DACH1: variants seen among roughly 807,000 people sequenced by gnomAD.
DACH1 encodes the protein dachshund family transcription factor 1, also known as dachshund homolog 1.
A neutral mutation model predicts 54.2 loss-of-function variants in DACH1; 12 were observed. The ratio of observed to expected loss-of-function variants is 0.22; its 90% CI spans 0.14 to 0.36. The LOEUF (loss-of-function observed/expected upper bound fraction) is 0.36. Among genes scored for constraint, DACH1 ranks in the 10% least tolerant of loss-of-function variants. DACH1 has a pLI of 1.00. For synonymous variants in DACH1, 386 were observed against 366.2 expected (o/e 1.05, Z -0.62); for missense variants, 805 against 929.8 (o/e 0.87, Z 1.75).
intron 1 of DACH1, among the ~76,000 whole-genome samples, chr13:71,711,650 T>A (rs553735642): frequency 1.7e-3 from 258 of 152,220 alleles, no homozygotes; most frequent in African/African-American, 3.5e-3. Flanking sequence ...TAATTTTTTT[T>A]AAAAAATCTA....
chr13:71,820,140 G>A (rs1444649677), intron 1 of DACH1, among the ~76,000 whole-genome samples: 5 of 145,394 alleles, frequency 3.4e-5, no homozygotes, highest in South Asian at 2.2e-4. Flanking sequence ...AATAGGGGCC[G>A]AAATTAATCA....
chr13:71,556,920 CT>C (rs749226997), intron 6 of DACH1, 103 bp downstream of exon 6: 1,377 of 1,178,930 alleles, frequency 1.2e-3, no homozygotes, highest in South Asian at 1.9e-3. Flanking sequence ...CATTTATATG[CT>C]TTTTTTTTAC....
intron 6 of DACH1, among the ~76,000 whole-genome samples, chr13:71,501,868 T>C (rs1462316527): frequency 6.6e-6 from 1 of 152,146 alleles, no homozygotes; most frequent in African/African-American, 2.4e-5. Context: ...CTTACAACAA[T>C]TCTGTTACTG....
At chr13:71,478,682 A>C (rs1877783043) in intron 8 of DACH1, among the ~76,000 whole-genome samples, 1 of 152,186 alleles carries the variant, frequency 6.6e-6, no homozygotes, top group African/African-American at 2.4e-5. Context: ...GCCTTCAGAA[A>C]GAAAATTATA....
At chr13:71,570,967 C>T (rs1304342790) in intron 4 of DACH1, among the ~76,000 whole-genome samples, 1 of 152,046 alleles carries the variant, frequency 6.6e-6, no homozygotes, top group Non-Finnish European at 1.5e-5. Flanking sequence ...ATCAAGTATC[C>T]TGATATAAAT....
chr13:71,505,681 T>TAAATAAGTTTATTTTGTTAGA (rs1222736819), intron 6 of DACH1, among the ~76,000 whole-genome samples: 4 of 152,294 alleles, frequency 2.6e-5, no homozygotes, highest in African/African-American at 9.6e-5. Context: ...TTTAGGCAAA[T>TAAATAAGTTTATTTTGTTAGA]AAATAAGTTT....
chr13:71,567,730 T>C (rs940988213), intron 4 of DACH1, among the ~76,000 whole-genome samples: 14 of 151,962 alleles, frequency 9.2e-5, no homozygotes, highest in Admixed American at 2.6e-4. Flanking sequence ...GTCACACTGG[T>C]TGGAGGTGAT....
intron 1 of DACH1, among the ~76,000 whole-genome samples, chr13:71,756,824 A>C (rs999078225): frequency 2.0e-5 from 3 of 152,182 alleles, no homozygotes; most frequent in African/African-American, 7.2e-5. Flanking sequence ...ATATATAGAA[A>C]GTTTGCTTTA....
At chr13:71,658,942 G>A (rs181529218) in intron 2 of DACH1, among the ~76,000 whole-genome samples, 25 of 152,052 alleles carry the variant, frequency 1.6e-4, no homozygotes, top group Admixed American at 8.5e-4. Flanking sequence ...TTTTTCTTAG[G>A]AGAAAAATCT....
At chr13:71,510,751 C>T (rs1190875751) in intron 6 of DACH1, among the ~76,000 whole-genome samples, 1 of 151,918 alleles carries the variant, frequency 6.6e-6, no homozygotes, top group Non-Finnish European at 1.5e-5. Flanking sequence ...TTCCATTACA[C>T]AGCAATGTTT....
intron 2 of DACH1, among the ~76,000 whole-genome samples, chr13:71,646,532 C>T (rs1878284867): frequency 6.6e-6 from 1 of 152,074 alleles, no homozygotes; most frequent in Non-Finnish European, 1.5e-5. Flanking sequence ...GCCCAACTTT[C>T]TACATTTGGA....
At chr13:71,679,201 GTC>G (rs951067797) in intron 2 of DACH1, among the ~76,000 whole-genome samples, 2 of 152,148 alleles carry the variant, frequency 1.3e-5, no homozygotes, top group African/African-American at 4.8e-5. Flanking sequence ...TATCTTCGGT[GTC>G]TCTGTTCACC....
chr13:71,586,164 C>G (rs906796007), intron 3 of DACH1, among the ~76,000 whole-genome samples: 7 of 152,018 alleles, frequency 4.6e-5, no homozygotes, highest in African/African-American at 1.7e-4. Flanking sequence ...CCTTTCTTGA[C>G]AGGGGGTACC....
chr13:71,765,931 G>T (rs1302648200), intron 1 of DACH1, among the ~76,000 whole-genome samples: 1 of 147,392 alleles, frequency 6.8e-6, no homozygotes, highest in Non-Finnish European at 1.5e-5. Flanking sequence ...CTGTCGCCCA[G>T]GCTGGAGTGC....
intron 3 of DACH1, among the ~76,000 whole-genome samples, chr13:71,582,936 A>G (rs1872952414): frequency 6.6e-6 from 1 of 152,166 alleles, no homozygotes. Context: ...TGGGGAAAAT[A>G]CAAGCACTCA....
intron 10 of DACH1, among the ~76,000 whole-genome samples, chr13:71,472,785 G>A (rs1003780058): frequency 5.9e-5 from 9 of 152,294 alleles, no homozygotes; most frequent in African/African-American, 9.6e-5. Context: ...AATTAGTAAT[G>A]AGTTCTGGTT....
chr13:71,681,856 G>A lies in DACH1; in HGVS notation c.903C>T (p.Asn301=). ...KRTQSVTSPE[N]SHIMPHSVPG... ...GGACAGAATGCGGCATGATGTGAGAGTTCTCTGGGGAGGTGACACTTTGAG... is the reference window on the plus strand; with the variant it reads ...GGACAGAATGCGGCATGATGTGAGAATTCTCTGGGGAGGTGACACTTTGAG... The change falls in exon 2 of 11, where the codon AAC becomes AAT. Residue 301 remains asparagine (N), a synonymous_variant. Coordinates refer to ENST00000613252, the MANE Select transcript of DACH1 (RefSeq NM_080759.6). 1 of 1,614,010 alleles carries A rather than the reference G, an allele frequency of 6.2e-7. No homozygotes were observed.
rs142840359 is a variant in DACH1 at position 71,785,496 on chromosome 13, T to G, written c.848+80426A>C. 8.1e-3 allele frequency among the ~76,000 whole-genome samples: 1,234 copies of G among 152,314 alleles called. 11 individuals are homozygous for G. Among genetic ancestry groups the G allele is most frequent in the Non-Finnish European group, 0.014 (946 of 68,030 alleles). On this transcript the variant is annotated intron_variant, in intron 1 of 10. Transcript: ENST00000613252. ...TAAGATAATAAGGCAAGGCCTAGGCTTCCTGATGCTGTTTTTAATGACAAT... is the reference window on the plus strand; with the variant it reads ...TAAGATAATAAGGCAAGGCCTAGGCGTCCTGATGCTGTTTTTAATGACAAT...
intron 2 of DACH1, among the ~76,000 whole-genome samples, chr13:71,674,640 G>C (rs201613344): frequency 8.0e-6 from 1 of 124,940 alleles, no homozygotes; most frequent in Non-Finnish European, 1.7e-5. Context: ...TCAGCCCAGT[G>C]ATGCTGATTT....
Sources: gnomAD v4.1 joint callset for allele counts (sites outside exome capture counted in the v4.1 genomes callset) on GRCh38, gnomAD v4.1.1 for gene constraint, MANE v1.5 for transcripts, NCBI Gene and HGNC (gene_info 2026-07-23, HGNC 2026-07-21) for gene names.